The following SYT10 variants were observed in gnomAD, a reference collection of about 807,000 sequenced individuals.
The protein encoded by SYT10 is synaptotagmin-10.
In SYT10, 31 loss-of-function variants were observed where a neutral mutation model predicts 51.1. The ratio of observed to expected loss-of-function variants is 0.61; its 90% confidence interval spans 0.46 to 0.82. The LOEUF (loss-of-function observed/expected upper bound fraction) is 0.82. Among genes scored for constraint, SYT10 ranks in the 40% least tolerant of loss-of-function variants. SYT10 has a pLI of 0.00. For missense variants in SYT10, 603 were observed against 634.0 expected (o/e 0.95, Z 0.53); for synonymous variants, 233 against 225.9 (o/e 1.03, Z -0.28).
At chr12:33,428,539 A>C (rs574213250) in intron 1 of SYT10, among the ~76,000 whole-genome samples, 1 of 152,336 alleles carries the variant, frequency 6.6e-6, no homozygotes, top group South Asian at 2.1e-4. Context: ...CATTAACTTT[A>C]ACAAGTATAT....
chr12:33,400,976 G>A (rs1171837740), intron 3 of SYT10, among the ~76,000 whole-genome samples: 4 of 150,106 alleles, frequency 2.7e-5, no homozygotes, highest in Non-Finnish European at 5.9e-5. Flanking sequence ...GCAGTGAGCC[G>A]AGACCACACC....
At chr12:33,381,831 G>A (rs1866117566) in intron 5 of SYT10, among the ~76,000 whole-genome samples, 1 of 152,190 alleles carries the variant, frequency 6.6e-6, no homozygotes, top group African/African-American at 2.4e-5. Flanking sequence ...AGATTGATGT[G>A]AAGGCATCAA....
At chr12:33,417,853 A>C (rs1429183012) in intron 2 of SYT10, among the ~76,000 whole-genome samples, 1 of 152,084 alleles carries the variant, frequency 6.6e-6, no homozygotes, top group East Asian at 1.9e-4. Context: ...ACTAAGAAGG[A>C]AAAAAAATAA....
chr12:33,435,971 G>A (rs1866634672), intron 1 of SYT10, among the ~76,000 whole-genome samples: 1 of 152,120 alleles, frequency 6.6e-6, no homozygotes, highest in Admixed American at 6.6e-5. Context: ...TTAAAATTGT[G>A]TAAACATGCA....
At position 33,439,814 on chromosome 12, in the gene SYT10, T is replaced by A. The variant is rs544087518; in HGVS notation, c.-292A>T. The A allele has an allele frequency of 2.4e-5, 10 of 419,366 alleles. No individual in the cohort carries two copies. The highest frequency in any genetic ancestry group is 2.0e-4 in the African/African-American group (10 of 48,952). 26.0% of individuals were successfully genotyped at this position (419,366 alleles called of 1,614,324 possible). A position where few individuals can be genotyped will look rare whatever the true frequency, so the allele number is the denominator to read the frequency against. ...GCGCGCTGGAACTAGAGACCCGGCA[T>A]GGAGTGCTGAGGGGAGGGGGGAGCC... On this transcript the variant is annotated 5_prime_UTR_variant, in exon 1 of 7. It removes an upstream start codon present in the reference 5' UTR. Transcript: ENST00000228567.
chr12:33,389,358 CTTGAGT>C (rs1265917127), intron 3 of SYT10, among the ~76,000 whole-genome samples: 1 of 152,000 alleles, frequency 6.6e-6, no homozygotes, highest in East Asian at 1.9e-4. Context: ...CCTCCCTGAG[CTTGAGT>C]TTAATTGCAA....
intron 2 of SYT10, among the ~76,000 whole-genome samples, chr12:33,414,242 T>A (rs1293151139): frequency 6.6e-6 from 1 of 152,088 alleles, no homozygotes; most frequent in African/African-American, 2.4e-5. Flanking sequence ...ATTGGAGACT[T>A]TCACACCGCA....
intron 1 of SYT10, among the ~76,000 whole-genome samples, chr12:33,431,091 T>A (rs558990865): frequency 6.6e-6 from 1 of 152,186 alleles, no homozygotes; most frequent in South Asian, 2.1e-4. Flanking sequence ...AGGTCTTTGC[T>A]TCTCTTTGAA....
chr12:33,423,831 G>T (rs1278272784), intron 2 of SYT10: 3 of 412,178 alleles, frequency 7.3e-6, no homozygotes, highest in Non-Finnish European at 1.4e-5. Context: ...CTTCCCAGCT[G>T]CATGACTTCA....
At chr12:33,397,152 C>G (rs1451245492) in intron 3 of SYT10, among the ~76,000 whole-genome samples, 2 of 152,044 alleles carry the variant, frequency 1.3e-5, no homozygotes, top group Admixed American at 1.3e-4. Context: ...GGAAATTAAC[C>G]AGTTTGTAAT....
chr12:33,430,908 C>A (rs1387574217), intron 1 of SYT10, among the ~76,000 whole-genome samples: 1 of 152,072 alleles, frequency 6.6e-6, no homozygotes, highest in Non-Finnish European at 1.5e-5. Flanking sequence ...ATAATTAGGG[C>A]ATGCTTCTGA....
At chr12:33,407,408 G>T in intron 2 of SYT10, 52 bp from the exon 3 acceptor site, 1 of 1,565,698 alleles carries the variant, frequency 6.4e-7, no homozygotes, top group South Asian at 1.2e-5. Flanking sequence ...ATTTTGATGA[G>T]AATGTTATAC....
Position 33,376,904 on chromosome 12 carries a change from GA to G in SYT10, c.1501-4del. 1 of 1,614,036 alleles carries G rather than the reference GA, an allele frequency of 6.2e-7. No homozygotes were observed. Among genetic ancestry groups the G allele is most frequent in the South Asian group, 1.1e-5 (1 of 91,070 alleles). ...AAACTGGTCGCCCGGCCAGGTAACT[GA>G]AAGACAAAAATTTCATAATGTATGA... is the stretch of plus-strand genomic sequence containing the variant. On this transcript the variant is annotated splice_region_variant and splice_polypyrimidine_tract_variant and intron_variant, in intron 6 of 6. Coordinates refer to ENST00000228567, the MANE Select transcript of SYT10 (RefSeq NM_198992.4).
At chr12:33,390,066 T>TA (rs1866190194) in intron 3 of SYT10, among the ~76,000 whole-genome samples, 1 of 152,176 alleles carries the variant, frequency 6.6e-6, no homozygotes, top group African/African-American at 2.4e-5. Context: ...TAAGCACTGG[T>TA]AAAAAATGAG....
At chr12:33,414,239 A>G (rs1319279461) in intron 2 of SYT10, among the ~76,000 whole-genome samples, 1 of 152,212 alleles carries the variant, frequency 6.6e-6, no homozygotes, top group Non-Finnish European at 1.5e-5. Flanking sequence ...ATAATTGGAG[A>G]CTTTCACACC....
Position 33,392,985 on chromosome 12 carries a change from T to TTA in SYT10, c.1078-7695_1078-7694insTA, listed in dbSNP as rs371711977. On this transcript the variant is annotated intron_variant, in intron 3 of 6. Transcript: ENST00000228567. ...CAAAAATAATTGTGGTTTTTGCCATTAAAAAAAAAAAAAAAAAAAAAAAAA... is the reference window on the plus strand; with the variant it reads ...CAAAAATAATTGTGGTTTTTGCCATTTAAAAAAAAAAAAAAAAAAAAAAAAAA... 8.5e-5 allele frequency among the ~76,000 whole-genome samples: 5 copies of TTA among 59,104 alleles called. No individual in the cohort carries two copies. In the East Asian group the frequency reaches 2.8e-3, roughly 33 times the overall value. The allele number at this position is 59,104 out of a possible 152,430, so 38.8% of individuals were successfully genotyped here.
intron 3 of SYT10, 47 bp downstream of exon 3, chr12:33,406,742 A>G (rs375766818): frequency 1.4e-5 from 21 of 1,465,564 alleles, no homozygotes; most frequent in Non-Finnish European, 1.9e-5. Context: ...GTCACATAGC[A>G]TTGTAAGTCA....
chr12:33,424,051 A>G, intron 2 of SYT10: 1 of 454,986 alleles, frequency 2.2e-6, no homozygotes, highest in South Asian at 1.6e-5. Context: ...GAAATGATTG[A>G]TATAAAAGTT....
chr12:33,378,089 C>T (rs1023651853), intron 6 of SYT10, among the ~76,000 whole-genome samples: 4 of 152,066 alleles, frequency 2.6e-5, no homozygotes, highest in Non-Finnish European at 5.9e-5. Context: ...GTTCTTAGGT[C>T]CCTAGTCCGT....
Sources: gnomAD v4.1 joint callset for allele counts (sites outside exome capture counted in the v4.1 genomes callset) on GRCh38, gnomAD v4.1.1 for gene constraint, MANE v1.5 for transcripts, NCBI Gene and HGNC (gene_info 2026-07-23, HGNC 2026-07-21) for gene names.